The following DPP6 variants were observed in gnomAD, a reference collection of about 807,000 sequenced individuals.
The protein encoded by DPP6 is A-type potassium channel modulatory protein DPP6.
A neutral mutation model predicts 122.6 loss-of-function variants in DPP6; 69 were observed. The observed-to-expected ratio is 0.56, with a 90% CI of 0.46 to 0.69. The LOEUF (loss-of-function observed/expected upper bound fraction) is 0.69. Among genes scored for constraint, DPP6 ranks in the 30% least tolerant of loss-of-function variants. The pLI is 0.00. For missense variants in DPP6, 928 were observed against 1,116.9 expected (o/e 0.83, Z 2.41); for synonymous variants, 418 against 433.1 (o/e 0.97, Z 0.43).
At chr7:153,975,210 T>C (rs1796232625) in intron 1 of DPP6, among the ~76,000 whole-genome samples, 2 of 147,646 alleles carry the variant, frequency 1.4e-5, no homozygotes, top group South Asian at 2.2e-4. Context: ...GGAAGAAATA[T>C]CAAATGCAAA....
intron 1 of DPP6, among the ~76,000 whole-genome samples, chr7:154,411,200 C>T (rs1429022062): frequency 2.6e-5 from 4 of 152,148 alleles, no homozygotes; most frequent in African/African-American, 7.2e-5. Context: ...TCAGATTTTT[C>T]GTAACTCTCA....
chr7:154,819,667 A>G lies in DPP6; in HGVS notation c.1666+12555A>G, dbSNP rs201521603. Among the ~76,000 whole-genome samples the G allele has an allele frequency of 2.0e-5, 3 of 152,064 alleles. No individual in the cohort carries two copies. The East Asian group carries it at 5.8e-4, about 29-fold the overall frequency. On this transcript the variant is annotated intron_variant, in intron 16 of 25. Transcript: ENST00000377770. ...AGCACATACATTTCTCTTTTTTCTA[A>G]GTAAAATGATAGAAGAAATAAAACA...
At chr7:154,871,767 T>C (rs528414130) in intron 18 of DPP6, among the ~76,000 whole-genome samples, 1 of 152,334 alleles carries the variant, frequency 6.6e-6, no homozygotes, top group South Asian at 2.1e-4. Context: ...AAGCCTGCAG[T>C]GTATCTGTGT....
chr7:153,787,648 C>T, the DPP6 span, among the ~76,000 whole-genome samples: 1 of 148,478 alleles, frequency 6.7e-6, no homozygotes, highest in East Asian at 2.0e-4. Flanking sequence ...GTACGCCCCT[C>T]TAGTCTAGCT....
chr7:154,482,269 C>G (rs780160853), intron 3 of DPP6, among the ~76,000 whole-genome samples: 1 of 151,706 alleles, frequency 6.6e-6, no homozygotes, highest in African/African-American at 2.4e-5. Context: ...AGGCTGGGAC[C>G]AACACCTACA....
At chr7:154,285,625 T>C (rs1257279947) in intron 1 of DPP6, among the ~76,000 whole-genome samples, 2 of 152,222 alleles carry the variant, frequency 1.3e-5, no homozygotes, top group African/African-American at 4.8e-5. Context: ...AGTAACTTCC[T>C]GTGAGGAAAC....
intron 1 of DPP6, among the ~76,000 whole-genome samples, chr7:153,928,056 A>G (rs1191746322): frequency 3.3e-5 from 5 of 152,178 alleles, no homozygotes; most frequent in Non-Finnish European, 7.3e-5. Flanking sequence ...GTTGAATGGT[A>G]TAACATTAAC....
chr7:153,920,733 G>A (rs924992482), intron 1 of DPP6, among the ~76,000 whole-genome samples: 2 of 151,590 alleles, frequency 1.3e-5, no homozygotes, highest in Non-Finnish European at 2.9e-5. Flanking sequence ...GCTAATTTTT[G>A]TATTTTTAGC....
At chr7:153,909,869 T>C (rs1585017207) in intron 1 of DPP6, among the ~76,000 whole-genome samples, 1 of 152,134 alleles carries the variant, frequency 6.6e-6, no homozygotes, top group African/African-American at 2.4e-5. Flanking sequence ...CTGGCTGATA[T>C]CACAGGAGAG....
intron 16 of DPP6, among the ~76,000 whole-genome samples, chr7:154,811,489 A>G (rs750485598): frequency 1.3e-5 from 2 of 152,222 alleles, no homozygotes; most frequent in South Asian, 2.1e-4. Context: ...GAAGGTGTCA[A>G]TGATGAGGTG....
intron 1 of DPP6, among the ~76,000 whole-genome samples, chr7:154,309,251 C>T (rs142070898): frequency 1.8e-4 from 27 of 152,268 alleles, no homozygotes; most frequent in African/African-American, 3.9e-4. Context: ...CTCATCACAC[C>T]TTGTATATGT....
intron 7 of DPP6, among the ~76,000 whole-genome samples, chr7:154,719,987 C>G (rs1841712096): frequency 1.3e-5 from 2 of 152,198 alleles, no homozygotes; most frequent in Admixed American, 1.3e-4. Flanking sequence ...CTCCCCCATG[C>G]TCCTGCATCT....
intron 1 of DPP6, among the ~76,000 whole-genome samples, chr7:154,331,169 A>T (rs1235139276): frequency 6.6e-6 from 1 of 152,120 alleles, no homozygotes; most frequent in Non-Finnish European, 1.5e-5. Context: ...TACTCTAGGG[A>T]TACTGTGTAA....
At chr7:153,784,181 C>T in the DPP6 span, among the ~76,000 whole-genome samples, 9 of 152,278 alleles carry the variant, frequency 5.9e-5, no homozygotes, top group African/African-American at 2.2e-4. Flanking sequence ...AGTTCATCAA[C>T]AAACATAATA....
In DPP6 at chr7:154,893,479, A is replaced by AC. The variant is rs1486398618; in HGVS notation, c.*999_*1000insC. ...AAAAAAAAAAAAAAAAAAAAAAAAA[A>AC]ACAGAAAAAAGACAAAGCGTCAACT... On this transcript the variant is annotated 3_prime_UTR_variant, in exon 26 of 26. Coordinates refer to ENST00000377770, the MANE Select transcript of DPP6 (RefSeq NM_130797.4). 4 of 129,846 alleles carry AC rather than the reference A, an allele frequency of 3.1e-5. No homozygotes were observed. The highest frequency in any genetic ancestry group is 7.0e-5 in the Non-Finnish European group (4 of 57,440). The allele number at this position is 129,846 out of a possible 1,614,324, so 8.0% of individuals were successfully genotyped here.
chr7:153,922,328 C>G (rs2129009048), intron 1 of DPP6, among the ~76,000 whole-genome samples: 1 of 152,192 alleles, frequency 6.6e-6, no homozygotes, highest in East Asian at 1.9e-4. Flanking sequence ...TAGTGAGACC[C>G]CGTCTCTATA....
At chr7:154,016,224 A>G (rs1270789785) in intron 1 of DPP6, among the ~76,000 whole-genome samples, 1 of 151,926 alleles carries the variant, frequency 6.6e-6, no homozygotes, top group Admixed American at 6.6e-5. Flanking sequence ...TCTTCTCAAC[A>G]CGTATCACTA....
chr7:154,134,997 TC>T (rs1446802313), intron 1 of DPP6, among the ~76,000 whole-genome samples: 2 of 151,954 alleles, frequency 1.3e-5, no homozygotes, highest in African/African-American at 4.8e-5. Flanking sequence ...AGCTTACACT[TC>T]CTGTGAGTGA....
At chr7:154,115,867 G>A (rs1165188147) in intron 1 of DPP6, among the ~76,000 whole-genome samples, 3 of 151,960 alleles carry the variant, frequency 2.0e-5, no homozygotes, top group Admixed American at 1.3e-4. Flanking sequence ...CTTGCTGTCT[G>A]GTAAAACTCT....
Sources: gnomAD v4.1 joint callset for allele counts (sites outside exome capture counted in the v4.1 genomes callset) on GRCh38, gnomAD v4.1.1 for gene constraint, MANE v1.5 for transcripts, NCBI Gene and HGNC (gene_info 2026-07-23, HGNC 2026-07-21) for gene names.